TIMP3: variants seen among roughly 807,000 people sequenced by gnomAD.
TIMP3 encodes the protein metalloproteinase inhibitor 3.
In TIMP3, 11 loss-of-function variants were observed where a neutral mutation model predicts 30.0. The observed-to-expected ratio is 0.37, with a 90% CI of 0.23 to 0.61. The LOEUF is 0.61. Among genes scored for constraint, TIMP3 ranks in the 20% least tolerant of loss-of-function variants. TIMP3 has a pLI of 0.70. For synonymous variants in TIMP3, 112 were observed against 111.3 expected, an observed-to-expected ratio of 1.01 and a Z score of -0.04; for missense variants, 181 against 276.8, an observed-to-expected ratio of 0.65 and a Z score of 2.45.
Position 32,830,504 on chromosome 22 carries a change from G to C in TIMP3, c.122-18948G>C, listed in dbSNP as rs577545846. Among the ~76,000 whole-genome samples, 27 of 152,282 alleles carry C rather than the reference G, an allele frequency of 1.8e-4. 1 individual carries two copies. The highest frequency in any genetic ancestry group is 6.5e-4 in the African/African-American group (27 of 41,566). On this transcript the variant is annotated intron_variant, in intron 1 of 4. Transcript: ENST00000266085. The stretch of plus-strand genomic sequence containing the variant: ...TGTGTGCCCCTCTTTCACAGAAACA[G>C]AGCTTCAGCCAAATCCTGGAACGGA...
chr22:32,805,937 G>A (rs149246732), intron 1 of TIMP3, among the ~76,000 whole-genome samples: 72 of 152,030 alleles, frequency 4.7e-4, no homozygotes, highest in African/African-American at 1.5e-3. Context: ...CATCTTTAGG[G>A]AGGGAGAGCT....
intron 1 of TIMP3, among the ~76,000 whole-genome samples, chr22:32,814,141 T>A (rs2413157): frequency 0.7 from 67,957 of 97,342 alleles, 22,776 homozygotes; most frequent in African/African-American, 0.77. Flanking sequence ...TGTGTGTGTG[T>A]GAGAGAGAGA....
At chr22:32,828,479 AAAG>A (rs2047478675) in intron 1 of TIMP3, among the ~76,000 whole-genome samples, 1 of 152,250 alleles carries the variant, frequency 6.6e-6, no homozygotes, top group Non-Finnish European at 1.5e-5. Context: ...TGCACCCAGG[AAAG>A]AAGGAGCAGA....
At chr22:32,810,997 C>T (rs2046901016) in intron 1 of TIMP3, among the ~76,000 whole-genome samples, 2 of 152,094 alleles carry the variant, frequency 1.3e-5, no homozygotes, top group South Asian at 4.1e-4. Flanking sequence ...ATATTATGTA[C>T]CACGTGGTAA....
intron 2 of TIMP3, among the ~76,000 whole-genome samples, chr22:32,850,861 G>T (rs2146252693): frequency 6.6e-6 from 1 of 152,318 alleles, no homozygotes; most frequent in East Asian, 1.9e-4. Context: ...GGGAGTGGAG[G>T]AGTGACGCAG....
In TIMP3 at chr22:32,820,898, A is replaced by G. The variant is rs2047228109; in HGVS notation, c.121+18776A>G. Among the ~76,000 whole-genome samples the G allele has an allele frequency of 2.0e-5, 3 of 152,188 alleles. No individual in the cohort carries two copies. In the South Asian group the frequency reaches 6.2e-4, roughly 32 times the overall value. On this transcript the variant is annotated intron_variant, in intron 1 of 4. Transcript: ENST00000266085. ...AGAGTTTGCCAGATATTGCTAATTA[A>G]TTCTCTCACTGCTTATTTTATGGAT...
chr22:32,840,971 G>A (rs2047884127), intron 1 of TIMP3, among the ~76,000 whole-genome samples: 1 of 152,204 alleles, frequency 6.6e-6, no homozygotes, highest in Non-Finnish European at 1.5e-5. Flanking sequence ...TTGCTGAAGA[G>A]TTGTGTATCT....
chr22:32,807,744 T>G, intron 1 of TIMP3, among the ~76,000 whole-genome samples: 1 of 151,550 alleles, frequency 6.6e-6, no homozygotes, highest in Middle Eastern at 3.5e-3. Flanking sequence ...TTATACCATA[T>G]CATATTATAT....
Position 32,838,015 on chromosome 22 carries a change from G to A in TIMP3, c.122-11437G>A, listed in dbSNP as rs115728931. On this transcript the variant is annotated intron_variant, in intron 1 of 4. Coordinates refer to ENST00000266085, the MANE Select transcript of TIMP3 (RefSeq NM_000362.5). ...CAGCTCAGGCAGGATGTCTCCCTCCGGCGCCTCCAGGCTGGCTGGGTGTGT... is the reference window on the plus strand; with the variant it reads ...CAGCTCAGGCAGGATGTCTCCCTCCAGCGCCTCCAGGCTGGCTGGGTGTGT... 3.4e-3 allele frequency among the ~76,000 whole-genome samples: 516 copies of A among 152,252 alleles called. 5 individuals carry two copies. The highest frequency in any genetic ancestry group is 0.012 in the African/African-American group (492 of 41,536).
At chr22:32,858,880 T>C (rs181189662) in intron 4 of TIMP3, among the ~76,000 whole-genome samples, 4 of 152,202 alleles carry the variant, frequency 2.6e-5, no homozygotes, top group Non-Finnish European at 4.4e-5. Context: ...GACGAAAAAG[T>C]CCTCTCAGTA....
intron 2 of TIMP3, among the ~76,000 whole-genome samples, chr22:32,854,404 C>A (rs998526937): frequency 6.6e-6 from 1 of 152,166 alleles, no homozygotes; most frequent in African/African-American, 2.4e-5. Context: ...CCAGGGGCTT[C>A]ATTCTCTCAC....
intron 2 of TIMP3, among the ~76,000 whole-genome samples, chr22:32,852,744 T>C (rs2048256591): frequency 6.6e-6 from 1 of 152,002 alleles, no homozygotes; most frequent in Non-Finnish European, 1.5e-5. Context: ...GATATGTGTG[T>C]GTGTGTGAGG....
In TIMP3 at chr22:32,823,296, C is replaced by G. The variant is rs1056015733; in HGVS notation, c.121+21174C>G. ...TTACGGACCTGACGCTGGAAATCCT[C>G]TCTCTCCAAGGTCCCTGCAGGAGAT... On this transcript the variant is annotated intron_variant, in intron 1 of 4. Coordinates refer to ENST00000266085, the MANE Select transcript of TIMP3 (RefSeq NM_000362.5). Among the ~76,000 whole-genome samples the G allele has an allele frequency of 2.6e-5, 4 of 152,328 alleles. No homozygotes were observed. In the South Asian group the frequency reaches 8.3e-4, roughly 32 times the overall value.
intron 1 of TIMP3, among the ~76,000 whole-genome samples, chr22:32,842,495 T>C (rs1459229931): frequency 6.6e-6 from 1 of 152,124 alleles, no homozygotes; most frequent in Non-Finnish European, 1.5e-5. Context: ...GATGAGGAAA[T>C]GCTGAATCAC....
At chr22:32,803,136 T>C (rs2046635386) in intron 1 of TIMP3, among the ~76,000 whole-genome samples, 1 of 152,062 alleles carries the variant, frequency 6.6e-6, no homozygotes, top group Non-Finnish European at 1.5e-5. Context: ...GCAAGTCCAG[T>C]GGCTCTGCTG....
intron 1 of TIMP3, among the ~76,000 whole-genome samples, chr22:32,830,778 C>T (rs878813): frequency 0.031 from 4,670 of 152,182 alleles, 258 homozygotes; most frequent in African/African-American, 0.11. Context: ...TGAGTGTATC[C>T]GCCTCACGCT....
chr22:32,814,405 A>G (rs901923483), intron 1 of TIMP3, among the ~76,000 whole-genome samples: 1 of 150,292 alleles, frequency 6.7e-6, no homozygotes. Context: ...AGCTGAGCTT[A>G]ATGAGAAAAG....
chr22:32,807,341 A>ATATATAATATATAT, intron 1 of TIMP3, among the ~76,000 whole-genome samples: 2 of 4,898 alleles, frequency 4.1e-4, no homozygotes, highest in East Asian at 5.7e-3. Context: ...TTTATATATA[A>ATATATAATATATAT]TATATAAATA....
At chr22:32,834,410 G>C (rs776722064) in intron 1 of TIMP3, among the ~76,000 whole-genome samples, 2 of 152,032 alleles carry the variant, frequency 1.3e-5, no homozygotes, top group Non-Finnish European at 2.9e-5. Flanking sequence ...TGATCAGCCT[G>C]CCTTGGCCTC....
Sources: gnomAD v4.1 joint callset for allele counts (sites outside exome capture counted in the v4.1 genomes callset) on GRCh38, gnomAD v4.1.1 for gene constraint, MANE v1.5 for transcripts, NCBI Gene and HGNC (gene_info 2026-07-23, HGNC 2026-07-21) for gene names.